PDE4D: variants seen among roughly 807,000 people sequenced by gnomAD.
PDE4D encodes the protein 3',5'-cyclic-AMP phosphodiesterase 4D.
Under a neutral mutation model 87.4 loss-of-function variants are expected in PDE4D, and 24 were observed. That is an observed-to-expected ratio of 0.27 (90% confidence interval 0.20 to 0.39). The LOEUF is 0.39. PDE4D is among the 10% of genes least tolerant of loss of function. The pLI, the probability that PDE4D is intolerant of heterozygous loss-of-function variation, is 1.00. For missense variants in PDE4D, 714 were observed against 1,041.0 expected, an observed-to-expected ratio of 0.69 and a Z score of 4.32; for synonymous variants, 384 against 383.2, an observed-to-expected ratio of 1.00 and a Z score of -0.02.
rs531909376 is a variant in PDE4D, at chr5:59,228,696, G to A, written c.456-12728C>T. On this transcript the variant is annotated intron_variant, in intron 1 of 14. Coordinates refer to ENST00000340635, the MANE Select transcript of PDE4D (RefSeq NM_001104631.2). ...AAGTTCCTACTCATTATCCCATAATGGTGTCCTATTTTATTCAGAGAAAAT... is the reference window on the plus strand; with the variant it reads ...AAGTTCCTACTCATTATCCCATAATAGTGTCCTATTTTATTCAGAGAAAAT... Among the ~76,000 whole-genome samples the A allele has an allele frequency of 3.9e-5, 6 of 152,188 alleles. No individual in the cohort carries two copies. In the East Asian group the frequency reaches 1.2e-3, roughly 29 times the overall value.
rs114432110 is a variant in PDE4D at position 60,239,155 on chromosome 5, T to C, written c.-89-53468A>G. 2.8e-3 allele frequency among the ~76,000 whole-genome samples: 421 copies of C among 152,238 alleles called. 2 individuals are homozygous for C. The highest frequency in any genetic ancestry group is 9.4e-3 in the African/African-American group (392 of 41,572). On this transcript the variant is annotated intron_variant, in intron 1 of 16. Coordinates refer to the PDE4D transcript ENST00000502484. The stretch of plus-strand genomic sequence containing the variant: ...CCACATGGGATTTAATTATTATATG[T>C]TGTAAGAAAGGGTACTTATTATTTT...
At chr5:59,779,869 T>C (rs1007517530) in intron 1 of PDE4D, among the ~76,000 whole-genome samples, 2 of 152,202 alleles carry the variant, frequency 1.3e-5, no homozygotes, top group African/African-American at 4.8e-5. Context: ...TGATAAGATA[T>C]CAGCATTTTT....
At chr5:58,977,953 C>T (rs996298453) in intron 11 of PDE4D, among the ~76,000 whole-genome samples, 5 of 152,122 alleles carry the variant, frequency 3.3e-5, no homozygotes, top group African/African-American at 1.2e-4. Context: ...TGCCTGCTTG[C>T]TCACAGCTTC....
At chr5:59,935,753 C>A (rs934667021) in intron 3 of PDE4D, among the ~76,000 whole-genome samples, 5 of 152,160 alleles carry the variant, frequency 3.3e-5, no homozygotes, top group African/African-American at 9.7e-5. Flanking sequence ...AGAAATGCAG[C>A]ACTTCATCCA....
chr5:59,689,037 C>G (rs570841532), intron 1 of PDE4D, among the ~76,000 whole-genome samples: 1 of 151,736 alleles, frequency 6.6e-6, no homozygotes, highest in Admixed American at 6.6e-5. Flanking sequence ...TTGAATCCCT[C>G]AATAGACCAA....
intron 1 of PDE4D, among the ~76,000 whole-genome samples, chr5:59,466,924 T>G (rs2153649376): frequency 6.6e-6 from 1 of 152,292 alleles, no homozygotes; most frequent in South Asian, 2.1e-4. Flanking sequence ...ATTTGTACGT[T>G]GAAGTCCTCG....
intron 2 of PDE4D, among the ~76,000 whole-genome samples, chr5:60,075,463 G>A (rs1773184060): frequency 2.0e-5 from 3 of 152,080 alleles, no homozygotes; most frequent in Non-Finnish European, 4.4e-5. Context: ...TTCAACCTTG[G>A]AGAATCTGAT....
chr5:59,961,541 C>G (rs1459328116), intron 3 of PDE4D, among the ~76,000 whole-genome samples: 2 of 152,090 alleles, frequency 1.3e-5, no homozygotes, highest in African/African-American at 4.8e-5. Flanking sequence ...TTTCGAGCCA[C>G]CCATTTGTGG....
chr5:60,473,164 GA>G (rs1747975491), intron 1 of PDE4D, among the ~76,000 whole-genome samples: 1 of 118,656 alleles, frequency 8.4e-6, no homozygotes. Flanking sequence ...AGGAAGGAAG[GA>G]AGGAAGGAAG....
At position 58,974,765 on chromosome 5, in the gene PDE4D, C is replaced by G; in HGVS notation, c.2329G>C (p.Glu777Gln). 6.2e-7 allele frequency: 1 copy of G among 1,613,686 alleles called. No homozygotes were observed. Among genetic ancestry groups the G allele is most frequent in the South Asian group, 1.1e-5 (1 of 91,054 alleles). The change falls in exon 15 of 15, where the codon GAA (glutamate) becomes CAA (glutamine). Residue 777 changes from glutamate (E) to glutamine (Q), a missense_variant. Around this residue, in one of 7 missense-constraint regions of PDE4D, gnomAD observed 90 missense variants for 95.3 expected, o/e 0.94. Transcript: ENST00000340635. ...TLCTQDSESTEIPLDEQVEEE... is the reference protein window; with the variant it reads ...TLCTQDSESTQIPLDEQVEEE... ...TCAACCTGTTCATCAAGGGGAATTT[C>G]AGTAGACTCTGAGTCTTGAGTACAA...
intron 1 of PDE4D, among the ~76,000 whole-genome samples, chr5:59,254,178 G>C (rs1480623793): frequency 6.6e-6 from 1 of 152,006 alleles, no homozygotes; most frequent in Non-Finnish European, 1.5e-5. Flanking sequence ...ATGATACTTG[G>C]AGAAGAATGT....
chr5:59,743,524 C>T (rs1264455576), intron 1 of PDE4D, among the ~76,000 whole-genome samples: 2 of 152,216 alleles, frequency 1.3e-5, no homozygotes, highest in Middle Eastern at 3.4e-3. Context: ...TGTAAACACA[C>T]ACACACACGT....
At chr5:60,267,877 C>A (rs375671095) in intron 1 of PDE4D, among the ~76,000 whole-genome samples, 2 of 152,264 alleles carry the variant, frequency 1.3e-5, no homozygotes, top group East Asian at 3.9e-4. Flanking sequence ...TTTATCAGGG[C>A]GCTGTAGGAG....
chr5:60,246,910 T>C (rs1168671410), intron 1 of PDE4D, among the ~76,000 whole-genome samples: 1 of 152,028 alleles, frequency 6.6e-6, no homozygotes, highest in Non-Finnish European at 1.5e-5. Context: ...TGCCAGGTGC[T>C]TTAGAAGTAT....
intron 1 of PDE4D, among the ~76,000 whole-genome samples, chr5:60,202,869 C>T (rs1742082614): frequency 6.6e-6 from 1 of 151,970 alleles, no homozygotes; most frequent in Admixed American, 6.6e-5. Context: ...TTGGCAAATA[C>T]ATCAAAAGCC....
intron 2 of PDE4D, among the ~76,000 whole-genome samples, chr5:60,107,066 G>A (rs1352814915): frequency 5.3e-5 from 8 of 152,156 alleles, no homozygotes; most frequent in African/African-American, 1.9e-4. Context: ...AATGAATCCA[G>A]GAGCTGGTTT....
At chr5:59,529,597 C>CA (rs1345639382) in intron 1 of PDE4D, among the ~76,000 whole-genome samples, 1 of 152,116 alleles carries the variant, frequency 6.6e-6, no homozygotes, top group Non-Finnish European at 1.5e-5. Context: ...TCTGATTCAA[C>CA]AAAAAAGTTT....
chr5:59,924,963 C>CA (rs1755079053), intron 3 of PDE4D, among the ~76,000 whole-genome samples: 1 of 151,852 alleles, frequency 6.6e-6, no homozygotes, highest in African/African-American at 2.4e-5. Flanking sequence ...ATCACGAGGT[C>CA]AGGAGATTGA....
intron 1 of PDE4D, among the ~76,000 whole-genome samples, chr5:59,469,330 AAAAC>A (rs1001347971): frequency 9.9e-5 from 15 of 152,258 alleles, no homozygotes; most frequent in Admixed American, 2.0e-4. Flanking sequence ...TCCATCTCAA[AAAAC>A]AAACAAACAA....
Sources: gnomAD v4.1 joint callset for allele counts (sites outside exome capture counted in the v4.1 genomes callset) on GRCh38, gnomAD v4.1.1 for gene constraint, gnomAD v4.1.1 regional missense constraint, MANE v1.5 for transcripts, NCBI Gene and HGNC (gene_info 2026-07-23, HGNC 2026-07-21) for gene names.